PRKCE: variants seen among roughly 807,000 people sequenced by gnomAD.
PRKCE encodes the protein protein kinase C epsilon type.
In PRKCE, 16 loss-of-function variants were observed where a neutral mutation model predicts 85.4. The observed-to-expected ratio is 0.19, with a 90% confidence interval of 0.13 to 0.28. The LOEUF (loss-of-function observed/expected upper bound fraction) is 0.28. Among genes scored for constraint, PRKCE ranks in the 10% least tolerant of loss-of-function variants. The probability of loss-of-function intolerance (pLI) is 1.00; values close to 1 mark genes in which losing one functional copy is unlikely to be tolerated. For synonymous variants in PRKCE, 388 were observed against 371.5 expected (o/e 1.04, Z -0.51); for missense variants, 573 against 975.2 (o/e 0.59, Z 5.49).
At position 45,742,930 on chromosome 2, in the gene PRKCE, T is replaced by C. The variant is rs369345243; in HGVS notation, c.348+90482T>C. Among the ~76,000 whole-genome samples the C allele has an allele frequency of 9.2e-5, 14 of 152,338 alleles. No individual in the cohort carries two copies. The East Asian group carries it at 1.2e-3, about 13-fold the overall frequency. ...TGGAAGGATTTTAAAAATGGAATAT[T>C]ATTCAGCCTTAAAGCAGAAGCAAAT... On this transcript the variant is annotated intron_variant, in intron 1 of 14. Transcript: ENST00000306156.
chr2:45,978,880 T>C, intron 3 of PRKCE, 96 bp from the exon 4 acceptor site: 1 of 969,546 alleles, frequency 1.0e-6, no homozygotes, highest in Non-Finnish European at 1.6e-6. Context: ...TACTTGGTGC[T>C]ATGTGGGTGG....
At chr2:45,782,394 G>C (rs997733635) in intron 1 of PRKCE, among the ~76,000 whole-genome samples, 4 of 152,136 alleles carry the variant, frequency 2.6e-5, no homozygotes, top group African/African-American at 9.7e-5. Flanking sequence ...GTGGTGTTGG[G>C]TTAGTCACTT....
At position 46,155,083 on chromosome 2, in the gene PRKCE, T is replaced by C. The variant is rs193206014; in HGVS notation, c.1920+3854T>C. 6.6e-6 allele frequency among the ~76,000 whole-genome samples: 1 copy of C among 152,084 alleles called. No individual in the cohort carries two copies. ...AGAGCCCAGCAGGAGCTGTGGAAGG[T>C]GAACAGGACTGGGTGGGGCAGGGTA... is the stretch of plus-strand genomic sequence containing the variant. On this transcript the variant is annotated intron_variant, in intron 13 of 14. Coordinates refer to ENST00000306156, the MANE Select transcript of PRKCE (RefSeq NM_005400.3). The surrounding 1 kb of genome is among the most constrained non-coding windows in gnomAD (Gnocchi z 4.7).
chr2:46,023,763 C>T (rs550504042), intron 10 of PRKCE, among the ~76,000 whole-genome samples: 11 of 152,260 alleles, frequency 7.2e-5, no homozygotes, highest in African/African-American at 2.6e-4. Flanking sequence ...CTGTGCCCCC[C>T]ACTGCCTGTG....
intron 11 of PRKCE, among the ~76,000 whole-genome samples, chr2:46,113,981 T>A (rs62127483): frequency 6.6e-6 from 1 of 152,178 alleles, no homozygotes; most frequent in Admixed American, 6.5e-5. Flanking sequence ...TGTTTCATTA[T>A]TTTCCTCTTA....
chr2:46,053,860 A>C (rs1666302359), intron 10 of PRKCE, among the ~76,000 whole-genome samples: 1 of 152,152 alleles, frequency 6.6e-6, no homozygotes, highest in African/African-American at 2.4e-5. Context: ...CCCTGTTTTC[A>C]ATTCTTTTTG....
intron 1 of PRKCE, among the ~76,000 whole-genome samples, chr2:45,753,703 TAGAG>T (rs1296121992): frequency 1.3e-5 from 2 of 152,116 alleles, no homozygotes; most frequent in East Asian, 3.8e-4. Context: ...CCTATAAAAA[TAGAG>T]AGAATAGTAT....
intron 1 of PRKCE, among the ~76,000 whole-genome samples, chr2:45,671,787 G>A (rs562553530): frequency 2.6e-5 from 4 of 152,128 alleles, no homozygotes; most frequent in Admixed American, 6.5e-5. Flanking sequence ...ATCCAGTAGA[G>A]GACAGGTATG....
chr2:46,183,631 C>G (rs1026510081), intron 14 of PRKCE, among the ~76,000 whole-genome samples: 1 of 152,218 alleles, frequency 6.6e-6, no homozygotes, highest in Non-Finnish European at 1.5e-5. Context: ...ATGCCGCACT[C>G]TGCCCCTGCA....
At chr2:45,734,301 G>T (rs1040952981) in intron 1 of PRKCE, among the ~76,000 whole-genome samples, 2 of 151,760 alleles carry the variant, frequency 1.3e-5, no homozygotes, top group African/African-American at 2.4e-5. Context: ...GGAGGTGGAG[G>T]TTGCAGTGAA....
chr2:45,807,844 AGCTCCAGCCCCT>A (rs112612041), intron 1 of PRKCE, among the ~76,000 whole-genome samples: 1,664 of 152,094 alleles, frequency 0.011, 29 homozygotes, highest in African/African-American at 0.038. Context: ...CAAGTTTGAT[AGCTCCAGCCCCT>A]GCCCCACCCG....
chr2:45,948,522 C>G (rs1224885929), intron 2 of PRKCE, among the ~76,000 whole-genome samples: 1 of 152,034 alleles, frequency 6.6e-6, no homozygotes, highest in African/African-American at 2.4e-5. Context: ...GCCTGTAGTC[C>G]CAGCTACTCA....
rs397781944 is a variant in PRKCE at position 45,941,065 on chromosome 2, T to TAAAAAAAAAAAAAAAAAAAAAAA, written c.413-35342_413-35341insAAAAAAAAAAAAAAAAAAAAAAA. ...TGGGTGACAGAGTGAGACTTCATCC[T>TAAAAAAAAAAAAAAAAAAAAAAA]AAAAAAAAAAAAAAAAAAAAAAGAT... On this transcript the variant is annotated intron_variant, in intron 2 of 14. Transcript: ENST00000306156. Among the ~76,000 whole-genome samples the TAAAAAAAAAAAAAAAAAAAAAAA allele has an allele frequency of 1.5e-4, 10 of 67,162 alleles. 1 individual carries two copies. Among genetic ancestry groups the TAAAAAAAAAAAAAAAAAAAAAAA allele is most frequent in the East Asian group, 2.3e-3 (2 of 878 alleles). The allele number at this position is 67,162 out of a possible 152,430, so 44.1% of individuals were successfully genotyped here.
intron 1 of PRKCE, among the ~76,000 whole-genome samples, chr2:45,719,183 C>A (rs1680401864): frequency 1.3e-5 from 2 of 152,234 alleles, no homozygotes; most frequent in Non-Finnish European, 2.9e-5. Flanking sequence ...GGGGACTTCC[C>A]TCTTCTTTGG....
rs1296755441 is a variant in PRKCE, at chr2:46,187,011, G to T, written c.*2130G>T. 6.6e-6 allele frequency: 1 copy of T among 152,394 alleles called. No homozygotes were observed. The highest frequency in any genetic ancestry group is 1.5e-5 in the Non-Finnish European group (1 of 68,002). The allele number at this position is 152,394 out of a possible 1,614,324, so 9.4% of individuals were successfully genotyped here. A position where few individuals can be genotyped will look rare whatever the true frequency, so the allele number is the denominator to read the frequency against. On this transcript the variant is annotated 3_prime_UTR_variant, in exon 15 of 15. Transcript: ENST00000306156. ...TCGGTAACTTGACATTCTGGAGAGA[G>T]ACTATCTTCTGGAGTTGAGTACAAG...
At chr2:45,749,998 C>A (rs1230325149) in intron 1 of PRKCE, among the ~76,000 whole-genome samples, 1 of 152,158 alleles carries the variant, frequency 6.6e-6, no homozygotes, top group Non-Finnish European at 1.5e-5. Context: ...CTTCACTTGT[C>A]TGCAGCCTGT....
At chr2:45,863,061 A>C (rs1474810060) in intron 2 of PRKCE, among the ~76,000 whole-genome samples, 1 of 152,122 alleles carries the variant, frequency 6.6e-6, no homozygotes, top group East Asian at 1.9e-4. Flanking sequence ...GGTTTGAGGG[A>C]CTGGGGGGTT....
intron 2 of PRKCE, among the ~76,000 whole-genome samples, chr2:45,850,997 T>C (rs1398447389): frequency 6.6e-6 from 1 of 152,234 alleles, no homozygotes; most frequent in East Asian, 1.9e-4. Flanking sequence ...AGCATCATCG[T>C]GTGCTTTAGC....
intron 11 of PRKCE, among the ~76,000 whole-genome samples, chr2:46,101,395 G>A (rs1415456128): frequency 2.0e-5 from 3 of 152,210 alleles, no homozygotes; most frequent in Non-Finnish European, 4.4e-5. Context: ...GATCCAATGG[G>A]CTAAGTAAGA....
Sources: gnomAD v4.1 joint callset for allele counts (sites outside exome capture counted in the v4.1 genomes callset) on GRCh38, gnomAD v4.1.1 for gene constraint, Gnocchi (gnomAD v3.1) non-coding constraint, MANE v1.5 for transcripts, NCBI Gene and HGNC (gene_info 2026-07-23, HGNC 2026-07-21) for gene names.